PCDHGB4: variants seen among roughly 807,000 people sequenced by gnomAD.
PCDHGB4 encodes protocadherin gamma subfamily B, 4, also known as protocadherin gamma-B4.
In PCDHGB4, 38 loss-of-function variants were observed where a neutral mutation model predicts 60.5. The observed-to-expected ratio is 0.63, with a 90% confidence interval of 0.48 to 0.82. PCDHGB4 has a LOEUF of 0.82. PCDHGB4 is among the 40% of genes least tolerant of loss of function. The pLI is 0.00. For synonymous variants in PCDHGB4, 456 were observed against 509.7 expected, an observed-to-expected ratio of 0.89 and a Z score of 1.42; for missense variants, 1,109 against 1,209.6, an observed-to-expected ratio of 0.92 and a Z score of 1.23.
intron 1 of PCDHGB4, among the ~76,000 whole-genome samples, chr5:141,492,329 C>T (rs2099739386): frequency 1.3e-5 from 2 of 152,232 alleles, no homozygotes; most frequent in African/African-American, 4.8e-5. Context: ...CGTGGGCTTA[C>T]GCGAATACCA....
intron 1 of PCDHGB4, among the ~76,000 whole-genome samples, chr5:141,465,505 G>A (rs905617997): frequency 6.6e-6 from 1 of 152,190 alleles, no homozygotes; most frequent in Non-Finnish European, 1.5e-5. Flanking sequence ...CATTGTCGTG[G>A]TCAGGAAGGA....
At chr5:141,409,831 C>A (rs1015263434) in intron 1 of PCDHGB4, 1 of 1,611,128 alleles carries the variant, frequency 6.2e-7, no homozygotes, top group African/African-American at 1.3e-5. Flanking sequence ...CCACGCTCAG[C>A]GCCAACGTGA....
chr5:141,448,152 C>T (rs1463599948), intron 1 of PCDHGB4, among the ~76,000 whole-genome samples: 1 of 151,984 alleles, frequency 6.6e-6, no homozygotes, highest in African/African-American at 2.4e-5. Flanking sequence ...CAGACTCACC[C>T]CTGAAAGATC....
intron 2 of PCDHGB4, among the ~76,000 whole-genome samples, chr5:141,500,501 G>A (rs571735791): frequency 1.3e-5 from 2 of 152,058 alleles, no homozygotes; most frequent in Non-Finnish European, 2.9e-5. Context: ...GAGCCACCGC[G>A]CCTGGCCGAG....
intron 1 of PCDHGB4, chr5:141,421,745 T>C: frequency 6.2e-7 from 1 of 1,613,950 alleles, no homozygotes; most frequent in Non-Finnish European, 8.5e-7. Flanking sequence ...AGCTACCAGC[T>C]CAGCCCTAAT....
intron 1 of PCDHGB4, chr5:141,408,014 C>G (rs2095025916): frequency 5.0e-6 from 5 of 1,001,096 alleles, no homozygotes; most frequent in Non-Finnish European, 7.0e-6. Flanking sequence ...CCTGCGCAGC[C>G]AACAACAGAA....
intron 1 of PCDHGB4, among the ~76,000 whole-genome samples, chr5:141,446,536 GC>G (rs1043723006): frequency 2.0e-5 from 3 of 152,012 alleles, no homozygotes; most frequent in African/African-American, 7.2e-5. Context: ...GAGTGCAGTG[GC>G]CCTATCTCTG....
At chr5:141,468,560 T>TA (rs2099169084) in intron 1 of PCDHGB4, 1 of 152,004 alleles carries the variant, frequency 6.6e-6, no homozygotes, top group Non-Finnish European at 1.5e-5. Context: ...ATTTGTGATA[T>TA]AGTAAACAAT....
chr5:141,474,608 T>G (rs1469173973), intron 1 of PCDHGB4, among the ~76,000 whole-genome samples: 1 of 152,268 alleles, frequency 6.6e-6, no homozygotes, highest in Non-Finnish European at 1.5e-5. Flanking sequence ...AGGTCACATA[T>G]GGCTTTTCAT....
chr5:141,405,553 T>G, intron 1 of PCDHGB4: 1 of 619,004 alleles, frequency 1.6e-6, no homozygotes, highest in Non-Finnish European at 2.8e-6. Flanking sequence ...CCAAGTAGAG[T>G]AGCTGGGACT....
chr5:141,483,442 AATCATCAGGACTTGTTG>A (rs2099581330), intron 1 of PCDHGB4, among the ~76,000 whole-genome samples: 1 of 152,196 alleles, frequency 6.6e-6, no homozygotes, highest in Non-Finnish European at 1.5e-5. Context: ...ACTACAATAA[AATCATCAGGACTTGTTG>A]ATTGACATGA....
intron 1 of PCDHGB4, among the ~76,000 whole-genome samples, chr5:141,447,984 G>C (rs1300057273): frequency 6.6e-6 from 1 of 151,952 alleles, no homozygotes; most frequent in African/African-American, 2.4e-5. Context: ...TACTCGGGAG[G>C]CTGAGGCATG....
intron 1 of PCDHGB4, chr5:141,393,251 G>T: frequency 5.6e-6 from 9 of 1,613,814 alleles, no homozygotes; most frequent in Non-Finnish European, 6.8e-6. Flanking sequence ...ACGAAATCGC[G>T]GTTCCTGGAG....
intron 1 of PCDHGB4, among the ~76,000 whole-genome samples, chr5:141,406,857 A>T (rs1377435171): frequency 2.0e-5 from 3 of 152,244 alleles, no homozygotes; most frequent in Admixed American, 2.0e-4. Flanking sequence ...TTAAGAAAAT[A>T]TTCTCAGGAA....
At position 141,415,070 on chromosome 5, in the gene PCDHGB4, C is replaced by G. The variant is rs538474552; in HGVS notation, c.2397+24789C>G. ...GGGGAGCACACGGGCGAGGTGCGCACGGCGCGAGCCCTGCTGGACAGAGAC... is the reference window on the plus strand; with the variant it reads ...GGGGAGCACACGGGCGAGGTGCGCAGGGCGCGAGCCCTGCTGGACAGAGAC... On this transcript the variant is annotated intron_variant, in intron 1 of 3. Coordinates refer to ENST00000519479, the MANE Select transcript of PCDHGB4 (RefSeq NM_003736.4). 26 of 1,613,284 alleles carry G rather than the reference C, an allele frequency of 1.6e-5. No homozygotes were observed. The Middle Eastern group carries it at 1.5e-3, about 92-fold the overall frequency.
chr5:141,414,934 G>A (rs1473788181), intron 1 of PCDHGB4: 1 of 1,614,146 alleles, frequency 6.2e-7, no homozygotes, highest in South Asian at 1.1e-5. Context: ...CCGCTCCGCA[G>A]AGCCCGGCTA....
chr5:141,474,105 C>A (rs1292743515), intron 1 of PCDHGB4, among the ~76,000 whole-genome samples: 1 of 152,036 alleles, frequency 6.6e-6, no homozygotes, highest in African/African-American at 2.4e-5. Flanking sequence ...ACAACAAAAA[C>A]AACAACAACG....
chr5:141,409,486 C>T, intron 1 of PCDHGB4: 1 of 1,613,992 alleles, frequency 6.2e-7, no homozygotes, highest in Non-Finnish European at 8.5e-7. Context: ...CTGACAGGGG[C>T]AAGCCGCCTC....
At chr5:141,478,500 T>G in intron 1 of PCDHGB4, 1 of 1,612,740 alleles carries the variant, frequency 6.2e-7, no homozygotes, top group Non-Finnish European at 8.5e-7. Flanking sequence ...TGTGATCCGG[T>G]GTTCTATAGG....
Sources: allele counts gnomAD v4.1 joint callset (sites outside exome capture counted in the v4.1 genomes callset), GRCh38; gene constraint gnomAD v4.1.1; transcripts MANE v1.5; gene names NCBI Gene and HGNC (gene_info 2026-07-23, HGNC 2026-07-21).